The following ZEB1 variants were observed in gnomAD, a reference collection of about 807,000 sequenced individuals.
The protein encoded by ZEB1 is zinc finger E-box-binding homeobox 1.
A neutral mutation model predicts 84.9 loss-of-function variants in ZEB1; 21 were observed. The ratio of observed to expected loss-of-function variants is 0.25; its 90% confidence interval spans 0.18 to 0.36. The LOEUF (loss-of-function observed/expected upper bound fraction) is 0.36. ZEB1 is among the 10% of genes least tolerant of loss of function. The pLI, the probability that ZEB1 is intolerant of heterozygous loss-of-function variation, is 1.00. For missense variants in ZEB1, 1,104 were observed against 1,330.2 expected (o/e 0.83, Z 2.65); for synonymous variants, 420 against 471.1 (o/e 0.89, Z 1.41).
chr10:31,442,528 G>T (rs1028076307), intron 1 of ZEB1, among the ~76,000 whole-genome samples: 1 of 151,806 alleles, frequency 6.6e-6, no homozygotes, highest in Non-Finnish European at 1.5e-5. Context: ...TGCACGTTGT[G>T]CACATGTACC....
At chr10:31,385,537 T>C (rs1007220172) in intron 1 of ZEB1, among the ~76,000 whole-genome samples, 2 of 151,814 alleles carry the variant, frequency 1.3e-5, no homozygotes. Context: ...TCTTTTCTTT[T>C]TTTTTTTGAG....
intron 1 of ZEB1, among the ~76,000 whole-genome samples, chr10:31,372,440 T>C (rs2045892675): frequency 6.6e-6 from 1 of 151,704 alleles, no homozygotes; most frequent in Non-Finnish European, 1.5e-5. Flanking sequence ...CTATGAAGAG[T>C]AGCCGTAAGA....
At chr10:31,449,625 T>G (rs1468632529) in intron 1 of ZEB1, among the ~76,000 whole-genome samples, 1 of 152,226 alleles carries the variant, frequency 6.6e-6, no homozygotes, top group Non-Finnish European at 1.5e-5. Flanking sequence ...TTAGGGTCTA[T>G]TTTGTATTAT....
At chr10:31,368,826 G>A (rs1432933108) in intron 1 of ZEB1, among the ~76,000 whole-genome samples, 1 of 152,128 alleles carries the variant, frequency 6.6e-6, no homozygotes, top group Non-Finnish European at 1.5e-5. Context: ...GTGGTATGGT[G>A]GAAGTAATTT....
chr10:31,361,961 G>A lies in ZEB1; in HGVS notation c.58+42669G>A, dbSNP rs181524523. 6.8e-3 allele frequency among the ~76,000 whole-genome samples: 1,027 copies of A among 150,448 alleles called. 4 individuals are homozygous for A. The highest frequency in any genetic ancestry group is 0.024 in the African/African-American group (956 of 40,410). On this transcript the variant is annotated intron_variant, in intron 1 of 8. Transcript: ENST00000424869. ...GCACTCCTCGCTTCGCAGACGGGACGGCGGCAGGGCAGAGGCGCTCCTCAT... is the reference window on the plus strand; with the variant it reads ...GCACTCCTCGCTTCGCAGACGGGACAGCGGCAGGGCAGAGGCGCTCCTCAT...
chr10:31,441,306 A>C (rs977643362), intron 1 of ZEB1, among the ~76,000 whole-genome samples: 1 of 152,238 alleles, frequency 6.6e-6, no homozygotes, highest in African/African-American at 2.4e-5. Context: ...AGAAATGGGG[A>C]AAGAATTTCC....
In ZEB1 at chr10:31,528,578, A is replaced by G. The variant is rs1413953422; in HGVS notation, c.*1314A>G. Reference sequence around the variant, plus strand: ...TGTACTGTATGTCTTCAAACCTGGCAGTATTAATACCCTTCTTACTGACAT... The same window carrying G: ...TGTACTGTATGTCTTCAAACCTGGCGGTATTAATACCCTTCTTACTGACAT... On this transcript the variant is annotated 3_prime_UTR_variant, in exon 9 of 9. Coordinates refer to ENST00000424869, the MANE Select transcript of ZEB1 (RefSeq NM_001174096.2). 2 of 152,206 alleles carry G rather than the reference A, an allele frequency of 1.3e-5. No individual in the cohort carries two copies. The highest frequency in any genetic ancestry group is 2.9e-5 in the Non-Finnish European group (2 of 68,020). 9.4% of individuals were successfully genotyped at this position (152,206 alleles called of 1,614,324 possible). A position where few individuals can be genotyped will look rare whatever the true frequency, so the allele number is the denominator to read the frequency against.
At chr10:31,451,283 A>T (rs1473949296) in intron 1 of ZEB1, among the ~76,000 whole-genome samples, 1 of 152,202 alleles carries the variant, frequency 6.6e-6, no homozygotes, top group African/African-American at 2.4e-5. Flanking sequence ...AGTTGTAGTT[A>T]ACTCCATTTG....
chr10:31,486,887 G>C (rs2065832470), intron 2 of ZEB1, among the ~76,000 whole-genome samples: 1 of 151,172 alleles, frequency 6.6e-6, no homozygotes, highest in African/African-American at 2.4e-5. Flanking sequence ...TTTTCTCTTT[G>C]TTTTCTTCAC....
chr10:31,434,332 A>C (rs2058055251), intron 1 of ZEB1, among the ~76,000 whole-genome samples: 4 of 152,216 alleles, frequency 2.6e-5, no homozygotes, highest in South Asian at 4.1e-4. Flanking sequence ...TTTTATAGAA[A>C]GTTAACTGGA....
At chr10:31,319,555 C>T in intron 1 of ZEB1, 1 of 446,502 alleles carries the variant, frequency 2.2e-6, no homozygotes, top group Non-Finnish European at 3.9e-6. Flanking sequence ...GCCCCTGCCG[C>T]CTCCCTGGAC....
rs540239692 is a variant in ZEB1, at chr10:31,324,454, C to T, written c.58+5162C>T. 4.6e-5 allele frequency among the ~76,000 whole-genome samples: 7 copies of T among 152,132 alleles called. No individual in the cohort carries two copies. The South Asian group carries it at 8.3e-4, about 18-fold the overall frequency. ...GCATGTGGTTAGAGCCAGATGTAAA[C>T]ACAGATGCAGTATCATGTGGAATTA... is the stretch of plus-strand genomic sequence containing the variant. On this transcript the variant is annotated intron_variant, in intron 1 of 8. Coordinates refer to ENST00000424869, the MANE Select transcript of ZEB1 (RefSeq NM_001174096.2).
chr10:31,501,424 T>C (rs1554914137), intron 3 of ZEB1, among the ~76,000 whole-genome samples: 1 of 152,196 alleles, frequency 6.6e-6, no homozygotes, highest in Non-Finnish European at 1.5e-5. Flanking sequence ...GAGGCAGAAA[T>C]AGAGAAAGAA....
At chr10:31,392,631 C>T (rs187034479) in intron 1 of ZEB1, among the ~76,000 whole-genome samples, 10 of 151,854 alleles carry the variant, frequency 6.6e-5, no homozygotes, top group Non-Finnish European at 2.9e-5. Flanking sequence ...TTGGTACTAA[C>T]CAGTAAAGTC....
chr10:31,328,715 C>A (rs2036121732), intron 1 of ZEB1, among the ~76,000 whole-genome samples: 1 of 152,024 alleles, frequency 6.6e-6, no homozygotes, highest in Non-Finnish European at 1.5e-5. Flanking sequence ...TTTTTAAGGG[C>A]CATTATATGA....
chr10:31,432,156 T>C (rs561852854), intron 1 of ZEB1, among the ~76,000 whole-genome samples: 3 of 152,326 alleles, frequency 2.0e-5, no homozygotes, highest in East Asian at 1.9e-4. Flanking sequence ...ACCAACACTG[T>C]CCGGTAGAAC....
chr10:31,512,118 G>A (rs2070173846), intron 5 of ZEB1, among the ~76,000 whole-genome samples: 1 of 152,072 alleles, frequency 6.6e-6, no homozygotes. Context: ...CAGCAGAAGA[G>A]TATGTTTTAT....
At chr10:31,318,987 CT>C (rs1253510019), upstream of ZEB1, 2 of 560,766 alleles carry the variant, frequency 3.6e-6, no homozygotes, top group East Asian at 6.5e-5. Flanking sequence ...CTGAGGAAAA[CT>C]TTTCCCTCGC....
At position 31,526,811 on chromosome 10, in the gene ZEB1, T is replaced by A; in HGVS notation, c.2925T>A (p.Ser975=). ...GAAAGCGCTTCTCACACTCTGGGTC[T>A]TATTCTCAACACATGAATCATCGCT... ...KCGKRFSHSG[S]YSQHMNHRYS... is the part of the protein sequence containing the mutation. Residue 975 remains serine (S), a synonymous_variant, in exon 9 of 9, where the codon TCT becomes TCA. Transcript: ENST00000424869. 1 of 1,614,178 alleles carries A rather than the reference T, an allele frequency of 6.2e-7. No individual in the cohort carries two copies. The highest frequency in any genetic ancestry group is 8.5e-7 in the Non-Finnish European group (1 of 1,180,028).
Sources: allele counts gnomAD v4.1 joint callset (sites outside exome capture counted in the v4.1 genomes callset), GRCh38; gene constraint gnomAD v4.1.1; transcripts MANE v1.5; gene names NCBI Gene and HGNC (gene_info 2026-07-23, HGNC 2026-07-21).